Variants in LRRC49 observed in about 807,000 individuals in gnomAD.
LRRC49 encodes the protein leucine rich repeat containing 49, also known as leucine-rich repeat-containing protein 49.
LRRC49 carries 50 observed loss-of-function variants against 83.3 expected under a neutral mutation model. The observed-to-expected ratio is 0.60, with a 90% confidence interval of 0.48 to 0.76. LRRC49 has a LOEUF of 0.76. LRRC49 is among the 30% of genes least tolerant of loss of function. LRRC49 has a pLI of 0.00. For missense variants in LRRC49, 704 were observed against 809.1 expected (o/e 0.87, Z 1.58); for synonymous variants, 286 against 283.3 (o/e 1.01, Z -0.10).
upstream of LRRC49, chr15:70,891,764 C>T (rs560915001): frequency 1.5e-6 from 2 of 1,325,778 alleles, no homozygotes; most frequent in Admixed American, 5.6e-5. Context: ...GATGAGGTGC[C>T]TTTCCCAAGG....
intron 1 of LRRC49, chr15:70,860,135 C>T (rs2032752703): frequency 2.9e-6 from 2 of 698,090 alleles, no homozygotes; most frequent in Admixed American, 2.1e-5. Context: ...AGCTGGTGTC[C>T]AAGTCCTCTG....
At chr15:70,968,079 G>A (rs1310047392) in intron 9 of LRRC49, among the ~76,000 whole-genome samples, 1 of 151,842 alleles carries the variant, frequency 6.6e-6, no homozygotes. Context: ...ATGGTGGTTT[G>A]CTGCACCTAT....
rs1567096152 is a variant in LRRC49, at chr15:71,008,423, T to C, written c.1214T>C (p.Val405Ala). 1.2e-6 allele frequency: 2 copies of C among 1,613,010 alleles called. No homozygotes were observed. The highest frequency in any genetic ancestry group is 2.2e-5 in the East Asian group (1 of 44,834). ...GLNNALQGLS[V>A]IDTYLVEVDG... ...AACAATGCTTTACAAGGTTTATCTG[T>C]CATAGACACATACCTTGTTGAAGTG... The change falls in exon 12 of 16, where the codon GTC (valine) becomes GCC (alanine). Residue 405 changes from valine to alanine, a missense_variant. Transcript: ENST00000260382.
At chr15:70,911,062 A>C (rs906064208) in intron 5 of LRRC49, among the ~76,000 whole-genome samples, 1 of 152,174 alleles carries the variant, frequency 6.6e-6, no homozygotes, top group African/African-American at 2.4e-5. Context: ...TTAGGGGAGT[A>C]GGAACAGCAA....
At chr15:70,992,716 A>G (rs1424693412) in intron 11 of LRRC49, among the ~76,000 whole-genome samples, 1 of 152,180 alleles carries the variant, frequency 6.6e-6, no homozygotes, top group Non-Finnish European at 1.5e-5. Flanking sequence ...TCAACAGAAA[A>G]TGTTGCTGTC....
At chr15:70,959,268 G>A (rs988833976) in intron 8 of LRRC49, among the ~76,000 whole-genome samples, 8 of 152,004 alleles carry the variant, frequency 5.3e-5, no homozygotes, top group African/African-American at 1.5e-4. Context: ...CGAGGCGGGC[G>A]GATCACCTGA....
intron 11 of LRRC49, among the ~76,000 whole-genome samples, chr15:70,985,287 A>G (rs1190740243): frequency 5.3e-5 from 8 of 150,314 alleles, no homozygotes; most frequent in Non-Finnish European, 1.0e-4. Context: ...CCTCTCCAGC[A>G]CCTGTTGTTT....
rs979481549 is a variant in LRRC49 at position 70,901,047 on chromosome 15, T to A, written c.296+23T>A. The A allele has an allele frequency of 6.1e-6, 9 of 1,479,626 alleles. No homozygotes were observed. The African/African-American group carries it at 1.3e-4, about 21-fold the overall frequency. 91.7% of individuals were successfully genotyped at this position (1,479,626 alleles called of 1,614,324 possible). ...AAGGTGAGGACAATTTCTTTTCTTT[T>A]CTTTTTTTTGACTAGGTAATACATA... On this transcript the variant is annotated intron_variant, in intron 4 of 15. Transcript: ENST00000260382.
chr15:70,887,743 A>G (rs2033448713), upstream of LRRC49, among the ~76,000 whole-genome samples: 1 of 152,340 alleles, frequency 6.6e-6, no homozygotes, highest in African/African-American at 2.4e-5. Flanking sequence ...CATTCAAGCC[A>G]GTGCAACAGG....
In LRRC49 at chr15:71,009,806, G is replaced by C; in HGVS notation, c.1408-1G>C. 6.2e-7 allele frequency: 1 copy of C among 1,606,650 alleles called. No homozygotes were observed. Among genetic ancestry groups the C allele is most frequent in the Non-Finnish European group, 8.5e-7 (1 of 1,174,582 alleles). ...TCTGTATTTGTGTTTTATCATTGCA[G>C]CACCTTAAATTCAAGGAAACAAATC... On this transcript the variant is annotated splice_acceptor_variant, in intron 12 of 15. Coordinates refer to ENST00000260382, the MANE Select transcript of LRRC49 (RefSeq NM_017691.5). LOFTEE classifies it high-confidence loss of function.
At chr15:71,021,014 A>G (rs2038977908) in intron 14 of LRRC49, among the ~76,000 whole-genome samples, 1 of 152,154 alleles carries the variant, frequency 6.6e-6, no homozygotes, top group African/African-American at 2.4e-5. Flanking sequence ...TACACGTAAA[A>G]TACACTAACA....
rs576887376 is a variant in LRRC49, at chr15:71,000,142, T to G, written c.1170-8237T>G. On this transcript the variant is annotated intron_variant, in intron 11 of 15. Coordinates refer to ENST00000260382, the MANE Select transcript of LRRC49 (RefSeq NM_017691.5). ...CTCTCTTATTGAAATTCAGCAGTTTTTCTTTTCTTCATTAAGTGTTTCCCT... is the reference window on the plus strand; with the variant it reads ...CTCTCTTATTGAAATTCAGCAGTTTGTCTTTTCTTCATTAAGTGTTTCCCT... Among the ~76,000 whole-genome samples the G allele has an allele frequency of 3.3e-5, 5 of 152,352 alleles. No individual in the cohort carries two copies. In the East Asian group the frequency reaches 9.6e-4, roughly 29 times the overall value.
intron 14 of LRRC49, among the ~76,000 whole-genome samples, chr15:71,030,293 A>G (rs532169695): frequency 6.6e-6 from 1 of 152,328 alleles, no homozygotes; most frequent in South Asian, 2.1e-4. Context: ...TTGGCTGGAT[A>G]TGAAATTCTG....
upstream of LRRC49, among the ~76,000 whole-genome samples, chr15:70,890,503 A>G (rs558542787): frequency 6.6e-6 from 1 of 152,358 alleles, no homozygotes; most frequent in Admixed American, 6.5e-5. Context: ...ACAATGGCAA[A>G]GAAATCAGAC....
Position 71,009,982 on chromosome 15 carries a change from A to G in LRRC49, c.1583A>G (p.Asn528Ser). Residue 528 changes from asparagine to serine, a missense_variant, in exon 13 of 16, where the codon AAT becomes AGT. By Grantham distance (46) the Asn-to-Ser change is conservative. Around this residue, in one of 3 missense-constraint regions of LRRC49, gnomAD observed 275 missense variants for 338.0 expected, o/e 0.81. Transcript: ENST00000260382. ...AGCCATTTCAGTATGCAGAAAATAA[A>G]TGGAACAGAGGTAAGCTAAAAACTA... ...RLSHFSMQKI[N>S]GTEVTQNDMI... The G allele has an allele frequency of 6.3e-7, 1 of 1,593,936 alleles. No individual in the cohort carries two copies. The highest frequency in any genetic ancestry group is 8.6e-7 in the Non-Finnish European group (1 of 1,168,786).
At chr15:70,972,005 G>A (rs1243888946) in intron 9 of LRRC49, among the ~76,000 whole-genome samples, 1 of 152,100 alleles carries the variant, frequency 6.6e-6, no homozygotes, top group African/African-American at 2.4e-5. Context: ...ATTGTTATGT[G>A]TGAAATTGAT....
chr15:70,967,658 T>C (rs1286143437), intron 9 of LRRC49, among the ~76,000 whole-genome samples: 1 of 152,168 alleles, frequency 6.6e-6, no homozygotes, highest in East Asian at 1.9e-4. Context: ...GCAAATTTTA[T>C]CTATAAAGGA....
At chr15:71,001,930 A>T (rs1421362942) in intron 11 of LRRC49, among the ~76,000 whole-genome samples, 1 of 152,084 alleles carries the variant, frequency 6.6e-6, no homozygotes, top group Non-Finnish European at 1.5e-5. Context: ...TGACCTTGTG[A>T]TCCGCCCACC....
At chr15:70,897,292 A>G (rs559732845) in intron 3 of LRRC49, among the ~76,000 whole-genome samples, 1 of 152,294 alleles carries the variant, frequency 6.6e-6, no homozygotes. Flanking sequence ...AACCTGAGAG[A>G]TGAATAAAGT....
Sources: allele counts gnomAD v4.1 joint callset (sites outside exome capture counted in the v4.1 genomes callset), GRCh38; gene constraint gnomAD v4.1.1; regional missense constraint gnomAD v4.1.1; transcripts MANE v1.5; gene names NCBI Gene and HGNC (gene_info 2026-07-23, HGNC 2026-07-21).